TET1: variants seen among roughly 807,000 people sequenced by gnomAD.
TET1 encodes tet methylcytosine dioxygenase 1.
TET1 carries 13 observed loss-of-function variants against 148.7 expected under a neutral mutation model. That is an observed-to-expected ratio of 0.09 (90% CI 0.06 to 0.14). TET1 has a LOEUF of 0.14. TET1 is among the 10% of genes least tolerant of loss of function. TET1 has a pLI of 1.00. For synonymous variants in TET1, 907 were observed against 937.2 expected (o/e 0.97, Z 0.59); for missense variants, 2,182 against 2,553.8 (o/e 0.85, Z 3.14).
chr10:68,606,492 A>C (rs192857766), intron 3 of TET1, among the ~76,000 whole-genome samples: 1 of 152,346 alleles, frequency 6.6e-6, no homozygotes, highest in African/African-American at 2.4e-5. Context: ...ATTTCTTTAG[A>C]GTTTTTAAAC....
chr10:68,585,210 G>A (rs1342253358), intron 2 of TET1, among the ~76,000 whole-genome samples: 2 of 152,106 alleles, frequency 1.3e-5, no homozygotes, highest in Admixed American at 6.6e-5. Flanking sequence ...CTCCATGTTG[G>A]TCAGGCTGGT....
intron 1 of TET1, among the ~76,000 whole-genome samples, chr10:68,570,735 T>C (rs966082299): frequency 6.6e-6 from 1 of 151,596 alleles, no homozygotes; most frequent in Non-Finnish European, 1.5e-5. Context: ...GTTCACGCCA[T>C]TCTCCTGCCT....
Position 68,676,249 on chromosome 10 carries a change from TATATATATATA to T in TET1, c.4824+3205_4824+3215del, listed in dbSNP as rs1564506017. Among the ~76,000 whole-genome samples the T allele has an allele frequency of 9.3e-4, 25 of 27,020 alleles. 1 individual carries two copies. The highest frequency in any genetic ancestry group is 1.4e-3 in the African/African-American group (7 of 5,118). 17.7% of individuals were successfully genotyped at this position (27,020 alleles called of 152,430 possible). A position where few individuals can be genotyped will look rare whatever the true frequency, so the allele number is the denominator to read the frequency against. Reference sequence around the variant, plus strand: ...ATGTATGTATGTGTATATATATATATATATATATATATATATATATTTTTTTTTTTTTTTTT... The same window carrying T: ...ATGTATGTATGTGTATATATATATATTATATATATTTTTTTTTTTTTTTTT... On this transcript the variant is annotated intron_variant, in intron 8 of 11. Transcript: ENST00000373644.
Position 68,646,078 on chromosome 10 carries a change from A to G in TET1, c.3349A>G (p.Asn1117Asp), listed in dbSNP as rs753508495. 6.2e-7 allele frequency: 1 copy of G among 1,614,112 alleles called. No homozygotes were observed. The highest frequency in any genetic ancestry group is 1.1e-5 in the South Asian group (1 of 91,076). The change falls in exon 4 of 12, where the codon AAT (asparagine) becomes GAT (aspartate). Residue 1117 changes from asparagine (N) to aspartate (D), a missense_variant. Physicochemically the swap from Asn to Asp is conservative, Grantham distance 23. This residue lies in a region of TET1 where 582 missense variants were observed against 599.5 expected (regional missense o/e 0.97). Transcript: ENST00000373644. ...LVTCNVQQKY[N>D]QEKGTIQQKP... ...CACATGTAATGTACAGCAAAAATAC[A>G]ATCAGGAGAAGGGCACAATACAACA...
chr10:68,642,334 T>G (rs1274049530), intron 3 of TET1, among the ~76,000 whole-genome samples: 1 of 151,406 alleles, frequency 6.6e-6, no homozygotes, highest in Non-Finnish European at 1.5e-5. Context: ...CTCAGAAGGG[T>G]GAGATGGAAG....
chr10:68,672,711 T>G lies in TET1; in HGVS notation c.4674-184T>G, dbSNP rs181299492. ...ACCCTGGTCCCCTAGTCAGATTTCT[T>G]GAAAAAACAAAAGTTAGCTTTTTAT... On this transcript the variant is annotated intron_variant, in intron 7 of 11. Coordinates refer to ENST00000373644, the MANE Select transcript of TET1 (RefSeq NM_030625.3). Among the ~76,000 whole-genome samples, 319 of 152,200 alleles carry G rather than the reference T, an allele frequency of 2.1e-3. 3 individuals carry two copies. The highest frequency in any genetic ancestry group is 7.2e-3 in the African/African-American group (300 of 41,550).
At chr10:68,572,160 A>G (rs2133683591) in intron 1 of TET1, 57 bp from the exon 2 acceptor site, 1 of 575,234 alleles carries the variant, frequency 1.7e-6, no homozygotes, top group East Asian at 2.9e-5. Context: ...ATTCTATTTC[A>G]AATAGGGGAA....
intron 9 of TET1, among the ~76,000 whole-genome samples, chr10:68,682,556 T>C (rs2055451209): frequency 2.0e-5 from 3 of 152,226 alleles, no homozygotes; most frequent in Admixed American, 2.0e-4. Flanking sequence ...AATGGAATGA[T>C]TGAGTCTATT....
chr10:68,674,609 A>G, intron 8 of TET1: 1 of 505,464 alleles, frequency 2.0e-6, no homozygotes, highest in Non-Finnish European at 3.8e-6. Context: ...TTGCCTGATG[A>G]GCTTCCATGG....
At chr10:68,616,293 C>G (rs565735836) in intron 3 of TET1, among the ~76,000 whole-genome samples, 2 of 150,426 alleles carry the variant, frequency 1.3e-5, no homozygotes, top group South Asian at 4.2e-4. Flanking sequence ...CTGATATTTT[C>G]CAAGCGTACA....
At chr10:68,681,633 T>C in intron 9 of TET1, 145 bp downstream of exon 9, 1 of 541,562 alleles carries the variant, frequency 1.8e-6, no homozygotes, top group Non-Finnish European at 3.2e-6. Context: ...CCTCCAAAAA[T>C]GCTGGGATTA....
At chr10:68,609,755 G>A (rs558823425) in intron 3 of TET1, among the ~76,000 whole-genome samples, 143 of 151,894 alleles carry the variant, frequency 9.4e-4, no homozygotes, top group Non-Finnish European at 1.4e-3. Context: ...TATATATAGC[G>A]TGTGAGAGCA....
intron 3 of TET1, among the ~76,000 whole-genome samples, chr10:68,638,502 G>C (rs1393960366): frequency 1.3e-5 from 2 of 152,128 alleles, no homozygotes; most frequent in African/African-American, 4.8e-5. Flanking sequence ...CAAATGGTAT[G>C]TCCGTGGTAT....
Position 68,593,915 on chromosome 10 carries a change from A to ATTTTTTTTTTTTTTT in TET1, c.1915-7052_1915-7038dup, listed in dbSNP as rs3998851. 4.5e-5 allele frequency among the ~76,000 whole-genome samples: 2 copies of ATTTTTTTTTTTTTTT among 44,724 alleles called. 1 individual carries two copies. The allele number at this position is 44,724 out of a possible 152,430, so 29.3% of individuals were successfully genotyped here. A position where few individuals can be genotyped will look rare whatever the true frequency, so the allele number is the denominator to read the frequency against. On this transcript the variant is annotated intron_variant, in intron 2 of 11. Coordinates refer to ENST00000373644, the MANE Select transcript of TET1 (RefSeq NM_030625.3). ...AGGCGTGAGCCACTGCGCCTGAGCT[A>ATTTTTTTTTTTTTTT]TTTTTTTTTTTTTTTTTTTTTTTTT...
intron 3 of TET1, among the ~76,000 whole-genome samples, chr10:68,603,793 C>A (rs1589067748): frequency 6.6e-6 from 1 of 151,920 alleles, no homozygotes; most frequent in Non-Finnish European, 1.5e-5. Context: ...CAAAAGAACA[C>A]TATTATCCAT....
Position 68,645,675 on chromosome 10 carries a change from C to T in TET1, c.2946C>T (p.Ile982=), listed in dbSNP as rs1482756651. ...GQTTTLSNSH[I]NSATNQASTK... ...CTACTACCCTTTCCAACTCACATAT[C>T]AACTCAGCTACTAACCAAGCATCCA... Residue 982 remains isoleucine, a synonymous_variant, in exon 4 of 12, where the codon ATC becomes ATT. Coordinates refer to ENST00000373644, the MANE Select transcript of TET1 (RefSeq NM_030625.3). 1 of 1,614,182 alleles carries T rather than the reference C, an allele frequency of 6.2e-7. No individual in the cohort carries two copies. The highest frequency in any genetic ancestry group is 8.5e-7 in the Non-Finnish European group (1 of 1,180,024).
intron 3 of TET1, among the ~76,000 whole-genome samples, chr10:68,640,532 C>T (rs150640995): frequency 0.028 from 2,628 of 94,666 alleles, 75 homozygotes; most frequent in Non-Finnish European, 0.042. Flanking sequence ...TATTCTTTTT[C>T]TTTCTTTCTT....
intron 3 of TET1, among the ~76,000 whole-genome samples, chr10:68,621,408 AC>A (rs1483860286): frequency 6.6e-6 from 1 of 150,638 alleles, no homozygotes; most frequent in East Asian, 1.9e-4. Context: ...ACGTGGTGAA[AC>A]CCCGTATTTA....
chr10:68,598,312 A>G (rs954864168), intron 2 of TET1, among the ~76,000 whole-genome samples: 1 of 152,216 alleles, frequency 6.6e-6, no homozygotes, highest in Non-Finnish European at 1.5e-5. Context: ...AATCATTTGA[A>G]CCCGGAAGGC....
Sources: gnomAD v4.1 joint callset for allele counts (sites outside exome capture counted in the v4.1 genomes callset) on GRCh38, gnomAD v4.1.1 for gene constraint, gnomAD v4.1.1 regional missense constraint, MANE v1.5 for transcripts, NCBI Gene and HGNC (gene_info 2026-07-23, HGNC 2026-07-21) for gene names.